The following RREB1 variants were observed in gnomAD, a reference collection of about 807,000 sequenced individuals.
RREB1 encodes ras responsive element binding protein 1.
In RREB1, 27 loss-of-function variants were observed where a neutral mutation model predicts 117.8. That is an observed-to-expected ratio of 0.23 (90% CI 0.17 to 0.32). The LOEUF (loss-of-function observed/expected upper bound fraction) is 0.32, where lower values mean the gene tolerates loss of function less well. Among genes scored for constraint, RREB1 ranks in the 10% least tolerant of loss-of-function variants. RREB1 has a pLI of 1.00. For synonymous variants in RREB1, 1,298 were observed against 1,026.7 expected (o/e 1.26, Z -5.05); for missense variants, 2,577 against 2,378.2 (o/e 1.08, Z -1.74).
intron 1 of RREB1, among the ~76,000 whole-genome samples, chr6:7,159,679 A>G (rs1000289781): frequency 2.6e-5 from 4 of 152,084 alleles, no homozygotes; most frequent in African/African-American, 4.8e-5. Flanking sequence ...GTTTTTACTT[A>G]TTGTTGGTGG....
chr6:7,160,327 A>C (rs1359897563), intron 1 of RREB1, among the ~76,000 whole-genome samples: 2 of 152,086 alleles, frequency 1.3e-5, no homozygotes, highest in African/African-American at 4.8e-5. Context: ...AATTATGTTA[A>C]GTTTTTTTAA....
intron 1 of RREB1, among the ~76,000 whole-genome samples, chr6:7,154,003 G>C (rs1236765622): frequency 6.6e-6 from 1 of 152,192 alleles, no homozygotes; most frequent in Non-Finnish European, 1.5e-5. Flanking sequence ...GCTGGTACTT[G>C]TGCTCACAGC....
intron 10 of RREB1, 88 bp from the exon 11 acceptor site, chr6:7,240,350 A>C: frequency 9.6e-7 from 1 of 1,042,662 alleles, no homozygotes; most frequent in Non-Finnish European, 1.4e-6. Context: ...AACAACTGCC[A>C]ATGATCCCAG....
Position 7,246,720 on chromosome 6 carries a change from C to A in RREB1, c.4270C>A (p.Leu1424Ile). 6.3e-7 allele frequency: 1 copy of A among 1,584,240 alleles called. No individual in the cohort carries two copies. The highest frequency in any genetic ancestry group is 8.6e-7 in the Non-Finnish European group (1 of 1,165,764). The change falls in exon 12 of 13, where the codon CTC (leucine) becomes ATC (isoleucine). Residue 1424 changes from leucine to isoleucine, a missense_variant. Transcript: ENST00000379938. The stretch of plus-strand genomic sequence containing the variant: ...CCTGGACCTGGACTTCGCCACCAAG[C>A]TCATGGACTTCAAGCTGGCGGAGGG... ...QSLDLDFATK[L>I]MDFKLAEGDG...
chr6:7,247,772 G>C lies in RREB1; in HGVS notation c.4771+551G>C, dbSNP rs898084598. 3.9e-5 allele frequency among the ~76,000 whole-genome samples: 6 copies of C among 152,316 alleles called. No homozygotes were observed. The East Asian group carries it at 9.7e-4, about 25-fold the overall frequency. ...TTCTAGAGTTCACCCACCACCTGCAGGGTGGAGGCTGCAGACCCCAGAGCA... is the reference window on the plus strand; with the variant it reads ...TTCTAGAGTTCACCCACCACCTGCACGGTGGAGGCTGCAGACCCCAGAGCA... On this transcript the variant is annotated intron_variant, in intron 12 of 12. Coordinates refer to ENST00000379938, the MANE Select transcript of RREB1 (RefSeq NM_001003699.4).
intron 8 of RREB1, among the ~76,000 whole-genome samples, chr6:7,222,069 GA>G (rs1295547543): frequency 6.6e-6 from 1 of 152,224 alleles, no homozygotes; most frequent in Non-Finnish European, 1.5e-5. Context: ...GAACAGGAGA[GA>G]AGTGACAAAG....
At chr6:7,197,735 T>C (rs1470893072) in intron 6 of RREB1, among the ~76,000 whole-genome samples, 4 of 152,200 alleles carry the variant, frequency 2.6e-5, no homozygotes, top group Admixed American at 2.6e-4. Flanking sequence ...GCAGGCTTTT[T>C]TCCTGCAGCC....
chr6:7,224,461 C>T lies in RREB1; in HGVS notation c.708-2006C>T, dbSNP rs538428270. Among the ~76,000 whole-genome samples the T allele has an allele frequency of 5.3e-5, 8 of 150,156 alleles. No individual in the cohort carries two copies. The East Asian group carries it at 1.6e-3, about 29-fold the overall frequency. ...TATAGATCTTTCAGCCAAGTGGTGG[C>T]GAGGTGATGGATTGGCGACCATGGG... On this transcript the variant is annotated intron_variant, in intron 8 of 12. Transcript: ENST00000379938.
intron 6 of RREB1, among the ~76,000 whole-genome samples, chr6:7,197,002 G>A (rs1285067857): frequency 1.3e-5 from 2 of 152,164 alleles, no homozygotes; most frequent in African/African-American, 2.4e-5. Flanking sequence ...TGGATTGAGT[G>A]GTGCTCGTCT....
chr6:7,231,492 T>G lies in RREB1; in HGVS notation c.3393T>G (p.Ala1131=). 1 of 1,610,228 alleles carries G rather than the reference T, an allele frequency of 6.2e-7. No homozygotes were observed. Among genetic ancestry groups the G allele is most frequent in the South Asian group, 1.1e-5 (1 of 90,930 alleles). ...TSPKESSEPP[A]PASSPEAASP... ...CAAAAGAGTCTAGTGAGCCTCCCGC[T>G]CCAGCCAGCAGCCCAGAGGCTGCCT... Residue 1131 remains alanine (A), a synonymous_variant, in exon 10 of 13, where the codon GCT becomes GCG. Transcript: ENST00000379938.
intron 8 of RREB1, among the ~76,000 whole-genome samples, chr6:7,219,845 T>C (rs1384041192): frequency 5.9e-5 from 9 of 152,174 alleles, no homozygotes; most frequent in Non-Finnish European, 1.3e-4. Flanking sequence ...CCTTATGACC[T>C]GGGAGTCGTC....
At position 7,161,054 on chromosome 6, in the gene RREB1, C is replaced by T. The variant is rs75781632; in HGVS notation, c.-284-15601C>T. ...CCATGTTGCCCAGGCTGATCTCGAA[C>T]TCTAGGGCCAAACCGATCCTCTCGC... is the stretch of plus-strand genomic sequence containing the variant. On this transcript the variant is annotated intron_variant, in intron 1 of 12. Transcript: ENST00000379938. Among the ~76,000 whole-genome samples, 1,054 of 152,186 alleles carry T rather than the reference C, an allele frequency of 6.9e-3. 17 individuals are homozygous for T. The highest frequency in any genetic ancestry group is 0.024 in the African/African-American group (1,010 of 41,516).
At chr6:7,120,459 GAAA>G (rs1292744109) in intron 1 of RREB1, among the ~76,000 whole-genome samples, 1 of 151,206 alleles carries the variant, frequency 6.6e-6, no homozygotes, top group Non-Finnish European at 1.5e-5. Flanking sequence ...TTCTCAAAAA[GAAA>G]AAAAAGTACA....
Position 7,249,109 on chromosome 6 carries a change from C to A in RREB1, c.*141C>A. On this transcript the variant is annotated 3_prime_UTR_variant, in exon 13 of 13. Coordinates refer to ENST00000379938, the MANE Select transcript of RREB1 (RefSeq NM_001003699.4). ...AGAGAGAGAGAGAGAGAGAGACAAG[C>A]AGGAGCGTGGCTGCTCGCTCAGTGC... 1.4e-6 allele frequency: 1 copy of A among 715,236 alleles called. No individual in the cohort carries two copies. Among genetic ancestry groups the A allele is most frequent in the Non-Finnish European group, 2.2e-6 (1 of 451,892 alleles). 44.3% of individuals were successfully genotyped at this position (715,236 alleles called of 1,614,324 possible).
At chr6:7,247,287 C>T (rs1769146153) in intron 12 of RREB1, 66 bp downstream of exon 12, 6 of 1,471,416 alleles carry the variant, frequency 4.1e-6, no homozygotes, top group African/African-American at 1.4e-5. Context: ...CTCCTAGGAG[C>T]TCCCCTGAAG....
At chr6:7,177,723 CTG>C (rs749366247) in intron 2 of RREB1, among the ~76,000 whole-genome samples, 307 of 151,810 alleles carry the variant, frequency 2.0e-3, no homozygotes, top group Middle Eastern at 0.01. Context: ...TTTTCTTTTT[CTG>C]TCTTTCTTGT....
At chr6:7,222,664 T>G (rs1291142798) in intron 8 of RREB1, among the ~76,000 whole-genome samples, 1 of 151,972 alleles carries the variant, frequency 6.6e-6, no homozygotes, top group Non-Finnish European at 1.5e-5. Context: ...GAAACCTCAA[T>G]GTTATTAAAA....
chr6:7,230,667 C>T lies in RREB1; in HGVS notation c.2568C>T (p.Cys856=). Residue 856 remains cysteine, a synonymous_variant, in exon 10 of 13, where the codon TGC becomes TGT. Transcript: ENST00000379938. ...EDSGCAALGD[C]KPLTAFLEPQ... ...GTGGCTGCGCTGCCCTTGGTGACTG[C>T]AAGCCCCTCACTGCCTTCCTGGAAC... 2 of 1,595,676 alleles carry T rather than the reference C, an allele frequency of 1.3e-6. No homozygotes were observed. The highest frequency in any genetic ancestry group is 1.3e-5 in the African/African-American group (1 of 74,552).
rs368436162 is a variant in RREB1 at position 7,226,636 on chromosome 6, A to C, written c.877A>C (p.Lys293Gln). Residue 293 changes from lysine (K) to glutamine (Q), a missense_variant, in exon 9 of 13, where the codon AAG (lysine) becomes CAG (glutamine). Transcript: ENST00000379938. ...DLGFTDFSCR[K>Q]FPRISQAWCE... Reference sequence around the variant, plus strand: ...AGGATTCACGGACTTCTCCTGTAGGAAGTTTCCTCGCATTTCTCAGGTATT... The same window carrying C: ...AGGATTCACGGACTTCTCCTGTAGGCAGTTTCCTCGCATTTCTCAGGTATT... 16 of 1,613,870 alleles carry C rather than the reference A, an allele frequency of 9.9e-6. No homozygotes were observed. In the African/African-American group the frequency reaches 1.6e-4, roughly 16 times the overall value.
Sources: gnomAD v4.1 joint callset for allele counts (sites outside exome capture counted in the v4.1 genomes callset) on GRCh38, gnomAD v4.1.1 for gene constraint, MANE v1.5 for transcripts, NCBI Gene and HGNC (gene_info 2026-07-23, HGNC 2026-07-21) for gene names.